ZNF516: variants seen among roughly 807,000 people sequenced by gnomAD.
The protein encoded by ZNF516 is zinc finger protein 516.
ZNF516 carries 19 observed loss-of-function variants against 79.7 expected under a neutral mutation model. The observed-to-expected ratio is 0.24, with a 90% CI of 0.17 to 0.35. The LOEUF is 0.35. Ranked by LOEUF, ZNF516 falls within the 10% of genes least tolerant of loss-of-function variation. The probability of loss-of-function intolerance (pLI) is 1.00; values close to 1 mark genes in which losing one functional copy is unlikely to be tolerated. For missense variants in ZNF516, 1,678 were observed against 1,679.5 expected, an observed-to-expected ratio of 1.00 and a Z score of 0.02; for synonymous variants, 877 against 739.5, an observed-to-expected ratio of 1.19 and a Z score of -3.02.
chr18:76,492,749 T>C, intron 1 of ZNF516: 1 of 985,566 alleles, frequency 1.0e-6, no homozygotes, highest in Non-Finnish European at 1.2e-6. Flanking sequence ...TTTCTCCCCC[T>C]TCTGCAGGTT....
chr18:76,378,706 G>A (rs1386409773), intron 4 of ZNF516, 149 bp downstream of exon 4: 2 of 1,214,956 alleles, frequency 1.6e-6, no homozygotes, highest in African/African-American at 3.1e-5. Context: ...GCCAGGGCAA[G>A]GGAGCAGCTC....
At position 76,441,636 on chromosome 18, in the gene ZNF516, C is replaced by G; in HGVS notation, c.1419G>C (p.Ala473=). Reference sequence around the variant, plus strand: ...TCGCGCGCTTCCGCGGGGGCCCCTGCGCGGCTGGTGCATCCTGCTCACGCT... The same window carrying G: ...TCGCGCGCTTCCGCGGGGGCCCCTGGGCGGCTGGTGCATCCTGCTCACGCT... ...KRKREQDAPA[A]QGPPRKRASG... The change falls in exon 3 of 7, where the codon GCG becomes GCC. Residue 473 remains alanine (A), a synonymous_variant. Transcript: ENST00000443185. The G allele has an allele frequency of 6.5e-7, 1 of 1,527,826 alleles. No individual in the cohort carries two copies. The highest frequency in any genetic ancestry group is 1.7e-4 in the Middle Eastern group (1 of 5,822). The allele number at this position is 1,527,826 out of a possible 1,614,324, so 94.6% of individuals were successfully genotyped here.
At chr18:76,469,952 T>C (rs190240526) in intron 1 of ZNF516, among the ~76,000 whole-genome samples, 1 of 152,202 alleles carries the variant, frequency 6.6e-6, no homozygotes, top group Admixed American at 6.5e-5. Context: ...CAGGAAATCA[T>C]TACAAAATAC....
chr18:76,367,338 C>T (rs763018428), intron 6 of ZNF516, among the ~76,000 whole-genome samples: 29 of 152,228 alleles, frequency 1.9e-4, no homozygotes, highest in African/African-American at 2.7e-4. Context: ...CTTCTGCTGC[C>T]GGGAACCACT....
intron 3 of ZNF516, among the ~76,000 whole-genome samples, chr18:76,433,477 A>T (rs1053476872): frequency 1.3e-5 from 2 of 152,216 alleles, no homozygotes; most frequent in Non-Finnish European, 2.9e-5. Context: ...TCCACGCAAC[A>T]GGGAGGAATG....
chr18:76,364,004 A>G (rs2074578741), intron 6 of ZNF516, among the ~76,000 whole-genome samples: 1 of 152,260 alleles, frequency 6.6e-6, no homozygotes, highest in Non-Finnish European at 1.5e-5. Flanking sequence ...CTTTTGGACC[A>G]GAAGTCACAG....
chr18:76,370,611 G>A lies in ZNF516; in HGVS notation c.3365-16C>T, dbSNP rs1463103479. 6.3e-7 allele frequency: 1 copy of A among 1,588,870 alleles called. No individual in the cohort carries two copies. The highest frequency in any genetic ancestry group is 8.6e-7 in the Non-Finnish European group (1 of 1,166,560). On this transcript the variant is annotated splice_polypyrimidine_tract_variant and intron_variant, in intron 5 of 6. Coordinates refer to ENST00000443185, the MANE Select transcript of ZNF516 (RefSeq NM_014643.4). The stretch of plus-strand genomic sequence containing the variant: ...TCAAACACCACTGTGGGAACAAGGG[G>A]TTTGTTAACAGATCAGCGTGTGAGC...
intron 3 of ZNF516, among the ~76,000 whole-genome samples, chr18:76,424,629 T>TTCA (rs2075565256): frequency 1.6e-5 from 1 of 61,744 alleles, no homozygotes; most frequent in Admixed American, 2.2e-4. Flanking sequence ...GTGAAAAGGC[T>TTCA]CCCCCGAAAC....
At chr18:76,489,332 T>A (rs1915019883) in intron 1 of ZNF516, among the ~76,000 whole-genome samples, 1 of 152,242 alleles carries the variant, frequency 6.6e-6, no homozygotes, top group East Asian at 1.9e-4. Flanking sequence ...GAAAACCATC[T>A]GTTGGAGTAT....
intron 3 of ZNF516, among the ~76,000 whole-genome samples, chr18:76,385,279 C>T (rs2074968854): frequency 1.3e-5 from 2 of 152,338 alleles, no homozygotes; most frequent in South Asian, 4.1e-4. Context: ...CCCAAGCTGG[C>T]CCTGGCCTGG....
At chr18:76,391,463 A>C (rs922545408) in intron 3 of ZNF516, among the ~76,000 whole-genome samples, 1 of 151,892 alleles carries the variant, frequency 6.6e-6, no homozygotes, top group South Asian at 2.1e-4. Flanking sequence ...TCTAACCCTA[A>C]CCCCTTACCC....
At chr18:76,443,236 A>G in intron 2 of ZNF516, 25 bp from the exon 3 acceptor site, 1 of 922,542 alleles carries the variant, frequency 1.1e-6, no homozygotes, top group South Asian at 1.9e-5. Context: ...GAACATCATC[A>G]GCAAAGCTCC....
At chr18:76,456,605 ATG>A (rs1353276512) in intron 2 of ZNF516, among the ~76,000 whole-genome samples, 10 of 152,080 alleles carry the variant, frequency 6.6e-5, no homozygotes, top group African/African-American at 2.4e-4. Context: ...CCTCCCGGGA[ATG>A]TGTGTGTGGC....
intron 3 of ZNF516, among the ~76,000 whole-genome samples, chr18:76,440,761 T>TGTGTGTGC (rs571461431): frequency 0.018 from 2,777 of 150,196 alleles, 38 homozygotes; most frequent in Middle Eastern, 0.037. Flanking sequence ...TGTGTGTGTG[T>TGTGTGTGC]GCGCGCACGC....
chr18:76,424,579 A>AACAC (rs1418317488), intron 3 of ZNF516, among the ~76,000 whole-genome samples: 1 of 125,634 alleles, frequency 8.0e-6, no homozygotes, highest in African/African-American at 3.1e-5. Flanking sequence ...GTTCCCCCGA[A>AACAC]ACACACGCAG....
chr18:76,412,676 C>T (rs532401552), intron 3 of ZNF516, among the ~76,000 whole-genome samples: 9 of 152,292 alleles, frequency 5.9e-5, no homozygotes, highest in African/African-American at 1.7e-4. Context: ...GAAGTCAAGT[C>T]GTTGCCAAGA....
chr18:76,363,256 T>C (rs2074564597), intron 6 of ZNF516, among the ~76,000 whole-genome samples: 1 of 152,218 alleles, frequency 6.6e-6, no homozygotes, highest in African/African-American at 2.4e-5. Flanking sequence ...TTAATCTTAC[T>C]TAACTGCATT....
rs1169167288 is a variant in ZNF516 at position 76,415,641 on chromosome 18, G to C, written c.1810+25604C>G. Among the ~76,000 whole-genome samples the C allele has an allele frequency of 2.0e-5, 3 of 152,170 alleles. No homozygotes were observed. In the East Asian group the frequency reaches 5.8e-4, roughly 29 times the overall value. On this transcript the variant is annotated intron_variant, in intron 3 of 6. Transcript: ENST00000443185. ...TCTCGGGGAAACAGCCGTGGAAAGA[G>C]CCTGTTTTGCTGTTTGAACCAAGTT...
chr18:76,408,725 T>C (rs568692894), intron 3 of ZNF516, among the ~76,000 whole-genome samples: 1 of 152,366 alleles, frequency 6.6e-6, no homozygotes, highest in Admixed American at 6.5e-5. Context: ...GACACGTTTG[T>C]GTTCGCTCGC....
Sources: gnomAD v4.1 joint callset for allele counts (sites outside exome capture counted in the v4.1 genomes callset) on GRCh38, gnomAD v4.1.1 for gene constraint, MANE v1.5 for transcripts, NCBI Gene and HGNC (gene_info 2026-07-23, HGNC 2026-07-21) for gene names.